The following PODXL variants were observed in gnomAD, a reference collection of about 807,000 sequenced individuals.
PODXL encodes the protein podocalyxin like.
A neutral mutation model predicts 48.9 loss-of-function variants in PODXL; 20 were observed. That is an observed-to-expected ratio of 0.41 (90% confidence interval 0.29 to 0.59). PODXL has a LOEUF of 0.59. Among genes scored for constraint, PODXL ranks in the 20% least tolerant of loss-of-function variants. The probability of loss-of-function intolerance (pLI) is 0.31; values close to 1 mark genes in which losing one functional copy is unlikely to be tolerated. For synonymous variants in PODXL, 295 were observed against 287.4 expected (o/e 1.03, Z -0.27); for missense variants, 606 against 675.1 (o/e 0.90, Z 1.13).
At chr7:131,537,046 G>A (rs1798386334) in intron 1 of PODXL, among the ~76,000 whole-genome samples, 1 of 152,150 alleles carries the variant, frequency 6.6e-6, no homozygotes, top group Non-Finnish European at 1.5e-5. Context: ...GATCACCTGA[G>A]CCCAGGGAGG....
chr7:131,511,353 C>T lies in PODXL; in HGVS notation c.181G>A (p.Ala61Thr). 1 of 1,610,952 alleles carries T rather than the reference C, an allele frequency of 6.2e-7. No individual in the cohort carries two copies. The highest frequency in any genetic ancestry group is 8.5e-7 in the Non-Finnish European group (1 of 1,179,988). Residue 61 changes from alanine to threonine, a missense_variant, in exon 2 of 9, where the codon GCC (alanine) becomes ACC (threonine). By Grantham distance (58) the Ala-to-Thr change is moderately conservative. Coordinates refer to ENST00000378555, the MANE Select transcript of PODXL (RefSeq NM_001018111.3). ...GAAGTGGGGACTGTGCTCTGCTGGG[C>T]TGTATCTGTAGCCATGATGGTGACA... ...SSVTIMATDTAQQSTVPTSKA... is the reference protein window; with the variant it reads ...SSVTIMATDTTQQSTVPTSKA...
intron 1 of PODXL, among the ~76,000 whole-genome samples, chr7:131,555,691 C>T (rs1032823554): frequency 1.3e-5 from 2 of 152,224 alleles, no homozygotes; most frequent in African/African-American, 4.8e-5. Context: ...CGACTCTGTA[C>T]CTGCCCCAGC....
chr7:131,550,754 C>T (rs1394559689), intron 1 of PODXL, among the ~76,000 whole-genome samples: 2 of 152,182 alleles, frequency 1.3e-5, no homozygotes, highest in Non-Finnish European at 2.9e-5. Flanking sequence ...ACAGCTGACA[C>T]GTATGCGCAC....
At chr7:131,528,082 G>A (rs1345797586) in intron 1 of PODXL, among the ~76,000 whole-genome samples, 2 of 151,802 alleles carry the variant, frequency 1.3e-5, no homozygotes, top group Non-Finnish European at 2.9e-5. Flanking sequence ...TATTTTTTTA[G>A]TAGAGATGGG....
Position 131,541,799 on chromosome 7 carries a change from C to A in PODXL, c.100+14461G>T, listed in dbSNP as rs370445487. 2.6e-5 allele frequency among the ~76,000 whole-genome samples: 4 copies of A among 152,152 alleles called. No individual in the cohort carries two copies. The East Asian group carries it at 7.7e-4, about 29-fold the overall frequency. On this transcript the variant is annotated intron_variant, in intron 1 of 8. Coordinates refer to ENST00000378555, the MANE Select transcript of PODXL (RefSeq NM_001018111.3). The stretch of plus-strand genomic sequence containing the variant: ...AGGCCATGTTCCTTTTAAACAAAGC[C>A]AAGTCATCATGGCCCTCCCTGTGTT...
Position 131,509,035 on chromosome 7 carries a change from G to A in PODXL, c.1024-7C>T, listed in dbSNP as rs1797862038. 4 of 1,610,858 alleles carry A rather than the reference G, an allele frequency of 2.5e-6. No individual in the cohort carries two copies. The highest frequency in any genetic ancestry group is 3.4e-6 in the Non-Finnish European group (4 of 1,177,122). ...CAAGATCCTCACACTTTGCCTGGAA[G>A]AAGCCACTGAGATTAAGGTTTGGGC... On this transcript the variant is annotated splice_region_variant and splice_polypyrimidine_tract_variant and intron_variant, in intron 4 of 8. Coordinates refer to ENST00000378555, the MANE Select transcript of PODXL (RefSeq NM_001018111.3).
intron 1 of PODXL, 52 bp downstream of exon 1, chr7:131,556,208 G>A (rs1048327540): frequency 1.4e-6 from 2 of 1,402,600 alleles, no homozygotes; most frequent in African/African-American, 3.0e-5. Context: ...GGCCGGGCAG[G>A]GGGCACATGG....
chr7:131,509,358 G>C lies in PODXL; in HGVS notation c.1023+7C>G. 1.9e-6 allele frequency: 3 copies of C among 1,609,642 alleles called. No homozygotes were observed. Among genetic ancestry groups the C allele is most frequent in the Non-Finnish European group, 2.6e-6 (3 of 1,175,964 alleles). ...TCTCCTACTTGCCCCACCCCTGCTGGAGTTACCCAGTTACTCTCATGAGCC... is the reference window on the plus strand; with the variant it reads ...TCTCCTACTTGCCCCACCCCTGCTGCAGTTACCCAGTTACTCTCATGAGCC... On this transcript the variant is annotated splice_region_variant and intron_variant, in intron 4 of 8. Transcript: ENST00000378555.
At position 131,556,291 on chromosome 7, in the gene PODXL, C is replaced by T. The variant is rs1798743725; in HGVS notation, c.69G>A (p.Ser23=). The stretch of plus-strand genomic sequence containing the variant: ...GGGAGGGCGACGGCGACGGCGACGG[C>T]GACGACGGCAGCAGCGGCGGCGTTG... The part of the protein sequence containing the change: ...LLSTPPLLPS[S]PSPSPSPSQN... The change falls in exon 1 of 9, where the codon TCG becomes TCA. Residue 23 remains serine (S), a synonymous_variant. Transcript: ENST00000378555. The T allele has an allele frequency of 2.0e-6, 3 of 1,494,864 alleles. No individual in the cohort carries two copies. Among genetic ancestry groups the T allele is most frequent in the Admixed American group, 2.3e-5 (1 of 43,504 alleles). 92.6% of individuals were successfully genotyped at this position (1,494,864 alleles called of 1,614,324 possible). A position where few individuals can be genotyped will look rare whatever the true frequency, so the allele number is the denominator to read the frequency against.
At chr7:131,531,978 T>A (rs1430786131) in intron 1 of PODXL, among the ~76,000 whole-genome samples, 1 of 151,604 alleles carries the variant, frequency 6.6e-6, no homozygotes, top group Non-Finnish European at 1.5e-5. Context: ...GGCATGGTGG[T>A]GCATGGCTGT....
rs1797703016 is a variant in PODXL, at chr7:131,501,529, AGAATAT to A, written c.*2776_*2781del. The stretch of plus-strand genomic sequence containing the variant: ...ACCCGTATTCTGTCTTACAACGCAA[AGAATAT>A]TCTGTACCTCCTTCATAAGCTTTGC... On this transcript the variant is annotated 3_prime_UTR_variant, in exon 9 of 9. Transcript: ENST00000378555. 1 of 152,336 alleles carries A rather than the reference AGAATAT, an allele frequency of 6.6e-6. No individual in the cohort carries two copies. Among genetic ancestry groups the A allele is most frequent in the Non-Finnish European group, 1.5e-5 (1 of 68,036 alleles). 9.4% of individuals were successfully genotyped at this position (152,336 alleles called of 1,614,324 possible).
intron 8 of PODXL, 62 bp downstream of exon 8, chr7:131,505,806 A>G (rs563091864): frequency 2.1e-6 from 3 of 1,455,040 alleles, no homozygotes; most frequent in East Asian, 4.9e-5. Flanking sequence ...GGGAATCACG[A>G]GGGGAGGGTT....
At chr7:131,526,022 G>A (rs1036274175) in intron 1 of PODXL, among the ~76,000 whole-genome samples, 26 of 152,172 alleles carry the variant, frequency 1.7e-4, no homozygotes, top group African/African-American at 5.1e-4. Context: ...TCCACTCAGA[G>A]CATCTGGAAG....
At chr7:131,507,914 C>G (rs1797836977) in intron 5 of PODXL, among the ~76,000 whole-genome samples, 1 of 152,226 alleles carries the variant, frequency 6.6e-6, no homozygotes, top group Admixed American at 6.5e-5. Flanking sequence ...AAGAAAACAA[C>G]TGCAGAAAAT....
intron 1 of PODXL, among the ~76,000 whole-genome samples, chr7:131,541,672 CAAAA>C: frequency 1.0e-5 from 1 of 95,658 alleles, no homozygotes; most frequent in Non-Finnish European, 2.4e-5. Flanking sequence ...GACTCCGTCT[CAAAA>C]AAAAAAAAAA....
chr7:131,522,939 A>G (rs150661219), intron 1 of PODXL, among the ~76,000 whole-genome samples: 53 of 152,348 alleles, frequency 3.5e-4, no homozygotes, highest in African/African-American at 1.1e-3. Flanking sequence ...GCTGATGAAC[A>G]TTTGGGTTGT....
rs537900188 is a variant in PODXL at position 131,533,890 on chromosome 7, T to C, written c.100+22370A>G. Among the ~76,000 whole-genome samples, 86 of 152,326 alleles carry C rather than the reference T, an allele frequency of 5.6e-4. 1 individual carries two copies. Among genetic ancestry groups the C allele is most frequent in the African/African-American group, 1.8e-3 (75 of 41,578 alleles). The stretch of plus-strand genomic sequence containing the variant: ...CTTAACATAAATGTCTGAATGCTGT[T>C]CCTCAGTTTCCCCATCTGTCAAAAT... On this transcript the variant is annotated intron_variant, in intron 1 of 8. Transcript: ENST00000378555.
chr7:131,511,215 C>T lies in PODXL; in HGVS notation c.319G>A (p.Val107Met), dbSNP rs201084731. ...QQVSGPVNTT[V>M]ARGGGSGNPT... ...TTGCCTGAGCCGCCTCCTCTAGCCA[C>T]GGTAGTGTTGACTGGGCCTGAGACT... is the stretch of plus-strand genomic sequence containing the variant. The change falls in exon 2 of 9, where the codon GTG (valine) becomes ATG (methionine). Residue 107 changes from valine (V) to methionine (M), a missense_variant. Val to Met is a conservative substitution (Grantham distance 21, BLOSUM62 1). Transcript: ENST00000378555. The T allele has an allele frequency of 6.8e-5, 110 of 1,614,032 alleles. 1 individual carries two copies. The Middle Eastern group carries it at 4.0e-3, about 58-fold the overall frequency.
chr7:131,505,523 T>C (rs1411256198), intron 8 of PODXL, among the ~76,000 whole-genome samples: 1 of 152,110 alleles, frequency 6.6e-6, no homozygotes, highest in Non-Finnish European at 1.5e-5. Flanking sequence ...GGTGGGCACC[T>C]GTAATCCCAG....
Sources: gnomAD v4.1 joint callset for allele counts (sites outside exome capture counted in the v4.1 genomes callset) on GRCh38, gnomAD v4.1.1 for gene constraint, MANE v1.5 for transcripts, NCBI Gene and HGNC (gene_info 2026-07-23, HGNC 2026-07-21) for gene names.